Variants in ACTN4 observed in about 807,000 individuals in gnomAD.
ACTN4 encodes the protein actinin alpha 4.
A neutral mutation model predicts 114.2 loss-of-function variants in ACTN4; 18 were observed. That is an observed-to-expected ratio of 0.16 (90% CI 0.11 to 0.23). The LOEUF (loss-of-function observed/expected upper bound fraction) is 0.23, where lower values mean the gene tolerates loss of function less well. Among genes scored for constraint, ACTN4 ranks in the 10% least tolerant of loss-of-function variants. ACTN4 has a pLI of 1.00. For synonymous variants in ACTN4, 515 were observed against 506.3 expected, an observed-to-expected ratio of 1.02 and a Z score of -0.23; for missense variants, 722 against 1,262.9, an observed-to-expected ratio of 0.57 and a Z score of 6.49.
rs1223746758 is a variant in ACTN4, at chr19:38,717,820, T to C, written c.1144-107T>C. ...ATAATAGCAAAGCATGACACAGACA[T>C]GACCCCAGCCAAGTTCTGCCACCTT... On this transcript the variant is annotated intron_variant, in intron 10 of 20. Coordinates refer to ENST00000252699, the MANE Select transcript of ACTN4 (RefSeq NM_004924.6). The surrounding 1 kb of genome is among the most constrained non-coding windows in gnomAD (Gnocchi z 4.0). The C allele has an allele frequency of 4.1e-6, 6 of 1,453,064 alleles. No individual in the cohort carries two copies. Among genetic ancestry groups the C allele is most frequent in the Non-Finnish European group, 5.6e-6 (6 of 1,063,702 alleles). 90.0% of individuals were successfully genotyped at this position (1,453,064 alleles called of 1,614,324 possible). A position where few individuals can be genotyped will look rare whatever the true frequency, so the allele number is the denominator to read the frequency against.
rs113969422 is a variant in ACTN4 at position 38,729,366 on chromosome 19, C to A, written c.2670C>A (p.Asp890Glu). 1.3e-3 allele frequency: 2,151 copies of A among 1,612,686 alleles called. 27 individuals carry two copies. The highest frequency in any genetic ancestry group is 9.8e-3 in the African/African-American group (738 of 74,974). Residue 890 changes from aspartate to glutamate, a missense_variant, in exon 21 of 21, where the codon GAC becomes GAA. Coordinates refer to ENST00000252699, the MANE Select transcript of ACTN4 (RefSeq NM_004924.6). ...IARMAPYQGP[D>E]AVPGALDYKS... ...GCATGGCGCCATACCAGGGCCCTGA[C>A]GCCGTGCCCGGTGCCCTCGACTACA...
chr19:38,687,971 A>C (rs1967800216), intron 1 of ACTN4, among the ~76,000 whole-genome samples: 1 of 152,186 alleles, frequency 6.6e-6, no homozygotes, highest in Admixed American at 6.6e-5. Flanking sequence ...ACTTCTCCAA[A>C]GAAGATCTAC....
intron 1 of ACTN4, among the ~76,000 whole-genome samples, chr19:38,685,977 C>CA (rs1311155622): frequency 8.5e-5 from 13 of 152,170 alleles, no homozygotes; most frequent in South Asian, 6.2e-4. Flanking sequence ...TGAATACTAG[C>CA]AAAAAAACAA....
At chr19:38,681,397 T>C (rs749349672) in intron 1 of ACTN4, among the ~76,000 whole-genome samples, 176 of 151,612 alleles carry the variant, frequency 1.2e-3, no homozygotes, top group Admixed American at 3.8e-3. Context: ...CAGGTTACTC[T>C]GGGAGATCTC....
intron 1 of ACTN4, among the ~76,000 whole-genome samples, chr19:38,691,680 A>G (rs943988317): frequency 6.6e-6 from 1 of 152,072 alleles, no homozygotes; most frequent in Non-Finnish European, 1.5e-5. Flanking sequence ...AGGCGGGTGG[A>G]TTACCTGAGA....
At chr19:38,710,440 C>T (rs1968609080) in intron 8 of ACTN4, 98 bp downstream of exon 8, 1 of 1,337,010 alleles carries the variant, frequency 7.5e-7, no homozygotes, top group Non-Finnish European at 1.1e-6. Context: ...TTGCAGACGG[C>T]AGTGGCCTCT....
rs1568689603 is a variant in ACTN4, at chr19:38,673,516, T to TA, written c.162+25609_162+25610insA. Among the ~76,000 whole-genome samples, 78 of 83,332 alleles carry TA rather than the reference T, an allele frequency of 9.4e-4. 5 individuals carry two copies. Among genetic ancestry groups the TA allele is most frequent in the East Asian group, 1.8e-3 (5 of 2,804 alleles). The allele number at this position is 83,332 out of a possible 152,430, so 54.7% of individuals were successfully genotyped here. On this transcript the variant is annotated intron_variant, in intron 1 of 20. Coordinates refer to ENST00000252699, the MANE Select transcript of ACTN4 (RefSeq NM_004924.6). Reference sequence around the variant, plus strand: ...ATATATTTATATATATGAATATATATTTATATATATTCATATATACTTATA... The same window carrying TA: ...ATATATTTATATATATGAATATATATATTATATATATTCATATATACTTATA...
In ACTN4 at chr19:38,647,903, G is replaced by T. The variant is rs763023552; in HGVS notation, c.158G>T (p.Arg53Leu). 1.3e-6 allele frequency: 2 copies of T among 1,502,694 alleles called. No homozygotes were observed. The highest frequency in any genetic ancestry group is 2.7e-5 in the East Asian group (1 of 36,900). The allele number at this position is 1,502,694 out of a possible 1,614,324, so 93.1% of individuals were successfully genotyped here. Residue 53 changes from arginine (R) to leucine (L), a missense_variant, in exon 1 of 21, where the codon CGC (arginine) becomes CTC (leucine). Around this residue, in one of 3 missense-constraint regions of ACTN4, gnomAD observed 72 missense variants for 75.6 expected, o/e 0.95. Transcript: ENST00000252699. ...LLDPAWEKQQ[R>L]KTFTAWCNSH... ...GACCCGGCCTGGGAGAAGCAGCAGC[G>T]CAAGGTGCGCGGCCCGCGGGCCGGA...
chr19:38,689,140 G>T (rs1001300233), intron 1 of ACTN4, among the ~76,000 whole-genome samples: 1 of 152,072 alleles, frequency 6.6e-6, no homozygotes, highest in African/African-American at 2.4e-5. Flanking sequence ...GAATATTCAC[G>T]GTGGTGCTAA....
chr19:38,698,492 T>C (rs1968164734), intron 1 of ACTN4, among the ~76,000 whole-genome samples: 1 of 152,126 alleles, frequency 6.6e-6, no homozygotes, highest in South Asian at 2.1e-4. Flanking sequence ...CAAGAACTGT[T>C]GGAGACAAGA....
chr19:38,659,935 T>TTG (rs1163357956), intron 1 of ACTN4, among the ~76,000 whole-genome samples: 1 of 151,614 alleles, frequency 6.6e-6, no homozygotes. Flanking sequence ...TTTTTTTTTT[T>TTG]TTGAGTTGGA....
chr19:38,668,435 C>A (rs749793245), intron 1 of ACTN4, among the ~76,000 whole-genome samples: 4 of 152,178 alleles, frequency 2.6e-5, no homozygotes, highest in African/African-American at 4.8e-5. Context: ...CTCCTGTAAT[C>A]CCAGCACTTT....
intron 1 of ACTN4, among the ~76,000 whole-genome samples, chr19:38,687,081 A>G (rs186392567): frequency 5.3e-5 from 8 of 151,188 alleles, no homozygotes; most frequent in African/African-American, 1.5e-4. Context: ...CTCTTGCCTC[A>G]GCCTCCTGAG....
chr19:38,673,477 A>G (rs1210465795), intron 1 of ACTN4, among the ~76,000 whole-genome samples: 1 of 57,112 alleles, frequency 1.8e-5, no homozygotes, highest in East Asian at 7.6e-4. Context: ...ATATATATTT[A>G]TATATATATT....
At chr19:38,662,952 A>C (rs928048853) in intron 1 of ACTN4, among the ~76,000 whole-genome samples, 16 of 150,620 alleles carry the variant, frequency 1.1e-4, no homozygotes, top group Non-Finnish European at 4.4e-5. Context: ...CTTGTTGTTC[A>C]GGAGTGGAGT....
chr19:38,721,999 G>T, intron 12 of ACTN4: 1 of 451,394 alleles, frequency 2.2e-6, no homozygotes, highest in African/African-American at 2.0e-5. Context: ...GCCACCCCAA[G>T]TAGGCCCTGG....
At chr19:38,704,491 T>TG (rs1231078566) in intron 3 of ACTN4, among the ~76,000 whole-genome samples, 1 of 152,214 alleles carries the variant, frequency 6.6e-6, no homozygotes, top group Non-Finnish European at 1.5e-5. Context: ...GACTGCGAGA[T>TG]GAAAAAGACC....
rs746148734 is a variant in ACTN4 at position 38,723,637 on chromosome 19, A to G, written c.1466A>G (p.His489Arg). The G allele has an allele frequency of 9.3e-6, 15 of 1,613,224 alleles. No individual in the cohort carries two copies. The highest frequency in any genetic ancestry group is 1.2e-5 in the Non-Finnish European group (14 of 1,179,734). ...AGCGAGCTGGATTACTACGACTCCCACAATGTCAACACCCGGTGCCAGAAG... is the reference window on the plus strand; with the variant it reads ...AGCGAGCTGGATTACTACGACTCCCGCAATGTCAACACCCGGTGCCAGAAG... Reference protein sequence around the residue: ...ELNELDYYDSHNVNTRCQKIC... With the variant: ...ELNELDYYDSRNVNTRCQKIC... Residue 489 changes from histidine (H) to arginine (R), a missense_variant, in exon 13 of 21, where the codon CAC becomes CGC. Coordinates refer to ENST00000252699, the MANE Select transcript of ACTN4 (RefSeq NM_004924.6).
At chr19:38,688,702 G>A (rs545222779) in intron 1 of ACTN4, among the ~76,000 whole-genome samples, 225 of 151,892 alleles carry the variant, frequency 1.5e-3, no homozygotes, top group African/African-American at 5.0e-3. Context: ...ACTCCAGCCT[G>A]GGCAACAGAG....
Sources: allele counts gnomAD v4.1 joint callset (sites outside exome capture counted in the v4.1 genomes callset), GRCh38; gene constraint gnomAD v4.1.1; regional missense constraint gnomAD v4.1.1; non-coding constraint Gnocchi (gnomAD v3.1); transcripts MANE v1.5; gene names NCBI Gene and HGNC (gene_info 2026-07-23, HGNC 2026-07-21).